RAB2A: variants seen among roughly 807,000 people sequenced by gnomAD.
RAB2A encodes RAB2A, member RAS oncogene family, also known as ras-related protein Rab-2A.
A neutral mutation model predicts 32.5 loss-of-function variants in RAB2A; 7 were observed. The observed-to-expected ratio is 0.22, with a 90% confidence interval of 0.12 to 0.40. RAB2A has a LOEUF of 0.40. Among genes scored for constraint, RAB2A ranks in the 10% least tolerant of loss-of-function variants. The pLI, the probability that RAB2A is intolerant of heterozygous loss-of-function variation, is 1.00. For synonymous variants in RAB2A, 79 were observed against 85.2 expected (o/e 0.93, Z 0.40); for missense variants, 108 against 260.7 (o/e 0.41, Z 4.03).
intron 1 of RAB2A, 63 bp from the exon 2 acceptor site, chr8:60,558,788 CT>C (rs750903573): frequency 7.2e-7 from 1 of 1,394,118 alleles, no homozygotes; most frequent in Non-Finnish European, 1.0e-6. Flanking sequence ...TTTCCATGTC[CT>C]TTTTGTAAAG....
intron 2 of RAB2A, 26 bp downstream of exon 2, chr8:60,558,949 G>T: frequency 6.4e-7 from 1 of 1,552,988 alleles, no homozygotes; most frequent in Admixed American, 1.7e-5. Context: ...GGGATGAGAA[G>T]CACTAAAAGT....
chr8:60,616,857 C>T (rs1804457405), intron 6 of RAB2A, among the ~76,000 whole-genome samples: 1 of 152,168 alleles, frequency 6.6e-6, no homozygotes, highest in South Asian at 2.1e-4. Flanking sequence ...CTCTGGGGAG[C>T]TGTAAGGCCT....
At chr8:60,591,158 A>G (rs1416252113) in intron 5 of RAB2A, among the ~76,000 whole-genome samples, 1 of 151,926 alleles carries the variant, frequency 6.6e-6, no homozygotes, top group Non-Finnish European at 1.5e-5. Flanking sequence ...TAAAAATAAA[A>G]CACGCTTTAA....
At chr8:60,601,531 T>C (rs1176807777) in intron 6 of RAB2A, among the ~76,000 whole-genome samples, 1 of 152,150 alleles carries the variant, frequency 6.6e-6, no homozygotes, top group Non-Finnish European at 1.5e-5. Flanking sequence ...AGAAACAAGG[T>C]TTCACTATGT....
At chr8:60,619,924 G>A (rs1804503036) in intron 7 of RAB2A, among the ~76,000 whole-genome samples, 1 of 152,230 alleles carries the variant, frequency 6.6e-6, no homozygotes, top group Non-Finnish European at 1.5e-5. Context: ...TTAAAGAGGA[G>A]TCAAAAGAGC....
intron 6 of RAB2A, among the ~76,000 whole-genome samples, chr8:60,599,381 A>C (rs955505987): frequency 2.6e-5 from 4 of 152,176 alleles, no homozygotes; most frequent in African/African-American, 9.7e-5. Context: ...ATAAATGTTT[A>C]ACACAATTCA....
At chr8:60,588,255 C>G (rs1309086469) in intron 5 of RAB2A, among the ~76,000 whole-genome samples, 1 of 152,120 alleles carries the variant, frequency 6.6e-6, no homozygotes, top group Non-Finnish European at 1.5e-5. Flanking sequence ...TGTATTCCAG[C>G]CTAGGCCACA....
chr8:60,565,502 A>C (rs190177215), intron 2 of RAB2A, among the ~76,000 whole-genome samples: 600 of 151,990 alleles, frequency 3.9e-3, no homozygotes, highest in Non-Finnish European at 7.1e-3. Context: ...TTGAAGCATC[A>C]TTTCTTCCAT....
At chr8:60,617,064 T>C (rs1399752862) in intron 6 of RAB2A, among the ~76,000 whole-genome samples, 2 of 152,244 alleles carry the variant, frequency 1.3e-5, no homozygotes, top group Non-Finnish European at 2.9e-5. Flanking sequence ...TGAATTTTTA[T>C]AGAATGCTAA....
chr8:60,539,450 C>T (rs1807605618), intron 1 of RAB2A, among the ~76,000 whole-genome samples: 1 of 152,146 alleles, frequency 6.6e-6, no homozygotes, highest in African/African-American at 2.4e-5. Flanking sequence ...AATAAGCAAA[C>T]AAGGCCTAGA....
At chr8:60,530,144 C>CTTTTT (rs1270851648) in intron 1 of RAB2A, among the ~76,000 whole-genome samples, 2 of 104,152 alleles carry the variant, frequency 1.9e-5, no homozygotes, top group East Asian at 2.7e-4. Context: ...ATTTTTTTTT[C>CTTTTT]TTTTTTTTTT....
chr8:60,583,520 A>C (rs1453230257), intron 3 of RAB2A, among the ~76,000 whole-genome samples: 1 of 152,256 alleles, frequency 6.6e-6, no homozygotes, highest in Non-Finnish European at 1.5e-5. Flanking sequence ...TTTGACAAGC[A>C]TTATATATCA....
intron 2 of RAB2A, among the ~76,000 whole-genome samples, chr8:60,562,040 C>G (rs1172553775): frequency 6.6e-6 from 1 of 152,194 alleles, no homozygotes; most frequent in African/African-American, 2.4e-5. Context: ...CTGCTTGCTA[C>G]TCCCTGAATA....
intron 6 of RAB2A, among the ~76,000 whole-genome samples, chr8:60,610,016 G>GCTT (rs1173476627): frequency 2.0e-5 from 3 of 149,662 alleles, no homozygotes; most frequent in Admixed American, 6.7e-5. Flanking sequence ...CTCATCAGGT[G>GCTT]CTTCTTCCTT....
rs1411442242 is a variant in RAB2A at position 60,545,590 on chromosome 8, A to G, written c.47-13262A>G. On this transcript the variant is annotated intron_variant, in intron 1 of 7. Transcript: ENST00000262646. ...CCATCACACCCGGCAAGGAATCTGC[A>G]TTTTTAATGGGTACTACTTATAATT... is the stretch of plus-strand genomic sequence containing the variant. 2.6e-5 allele frequency among the ~76,000 whole-genome samples: 4 copies of G among 152,298 alleles called. No individual in the cohort carries two copies. In the East Asian group the frequency reaches 7.7e-4, roughly 29 times the overall value.
intron 1 of RAB2A, among the ~76,000 whole-genome samples, chr8:60,539,437 A>G (rs1468601000): frequency 3.3e-5 from 5 of 152,218 alleles, no homozygotes; most frequent in Non-Finnish European, 7.3e-5. Flanking sequence ...TTACCATTAC[A>G]CAAATAAGCA....
intron 1 of RAB2A, among the ~76,000 whole-genome samples, chr8:60,537,012 A>C (rs1440701930): frequency 6.6e-6 from 1 of 152,088 alleles, no homozygotes; most frequent in Non-Finnish European, 1.5e-5. Flanking sequence ...CAGTTTATTT[A>C]TTTTACCATC....
intron 3 of RAB2A, among the ~76,000 whole-genome samples, chr8:60,573,097 G>A (rs993141317): frequency 9.2e-5 from 14 of 151,960 alleles, no homozygotes; most frequent in African/African-American, 3.4e-4. Context: ...GGGAAATGGA[G>A]GACCACATGG....
At chr8:60,607,449 A>AAAG (rs1308057181) in intron 6 of RAB2A, among the ~76,000 whole-genome samples, 1 of 144,062 alleles carries the variant, frequency 6.9e-6, no homozygotes, top group Admixed American at 6.9e-5. Context: ...AAAAAAAAAA[A>AAAG]GGTTTTTGTA....
Sources: gnomAD v4.1 joint callset for allele counts (sites outside exome capture counted in the v4.1 genomes callset) on GRCh38, gnomAD v4.1.1 for gene constraint, MANE v1.5 for transcripts, NCBI Gene and HGNC (gene_info 2026-07-23, HGNC 2026-07-21) for gene names.